RARRES1: variants seen among roughly 807,000 people sequenced by gnomAD.
RARRES1 encodes retinoic acid receptor responder 1.
RARRES1 carries 34 observed loss-of-function variants against 30.6 expected under a neutral mutation model. The ratio of observed to expected loss-of-function variants is 1.11; its 90% CI spans 0.84 to 1.48. The LOEUF (loss-of-function observed/expected upper bound fraction) is 1.48, where lower values mean the gene tolerates loss of function less well. Among genes scored for constraint, RARRES1 ranks in the 40% most tolerant of loss-of-function variants. The pLI is 0.00. For synonymous variants in RARRES1, 153 were observed against 155.5 expected (o/e 0.98, Z 0.12); for missense variants, 373 against 386.5 (o/e 0.97, Z 0.29).
chr3:158,703,192 T>C (rs1052295567), intron 4 of RARRES1, among the ~76,000 whole-genome samples: 1 of 152,202 alleles, frequency 6.6e-6, no homozygotes, highest in African/African-American at 2.4e-5. Context: ...TTCCACAAGC[T>C]CCTACTTTGA....
At chr3:158,730,326 A>C (rs1382186369) in intron 1 of RARRES1, among the ~76,000 whole-genome samples, 8 of 151,174 alleles carry the variant, frequency 5.3e-5, no homozygotes, top group Non-Finnish European at 1.0e-4. Flanking sequence ...TCTCAAAAAA[A>C]AAAAAAAAAA....
At chr3:158,731,908 G>A (rs914927431) in intron 1 of RARRES1, among the ~76,000 whole-genome samples, 42 of 152,226 alleles carry the variant, frequency 2.8e-4, no homozygotes, top group Non-Finnish European at 1.5e-5. Context: ...CATAAATGCT[G>A]GAAGGAACGA....
At chr3:158,721,467 G>T (rs1406871796) in intron 1 of RARRES1, among the ~76,000 whole-genome samples, 1 of 152,204 alleles carries the variant, frequency 6.6e-6, no homozygotes, top group Non-Finnish European at 1.5e-5. Context: ...ACCACACTTG[G>T]AGAACTCTCT....
At chr3:158,711,072 G>C in intron 2 of RARRES1, 139 bp from the exon 3 acceptor site, 1 of 714,572 alleles carries the variant, frequency 1.4e-6, no homozygotes, top group East Asian at 2.6e-5. Flanking sequence ...GTTTATTGTG[G>C]GTTGTGCTCA....
In RARRES1 at chr3:158,704,797, C is replaced by T; in HGVS notation, c.666G>A (p.Arg222=). 6.2e-7 allele frequency: 1 copy of T among 1,612,570 alleles called. No homozygotes were observed. Among genetic ancestry groups the T allele is most frequent in the Non-Finnish European group, 8.5e-7 (1 of 1,179,480 alleles). Residue 222 remains arginine (R), a synonymous_variant, in exon 4 of 6, where the codon AGG becomes AGA. Coordinates refer to ENST00000237696, the MANE Select transcript of RARRES1 (RefSeq NM_206963.2). ...ATTTTCAGGTTTTTCTTACCCACTG[C>T]CTCACACTAGTGAGCTGTGCCAAGT... ...HYYLAQLTSV[R]QWKTNDDTID...
Position 158,710,921 on chromosome 3 carries a change from C to T in RARRES1, c.352G>A (p.Glu118Lys). 6.2e-7 allele frequency: 1 copy of T among 1,613,852 alleles called. No homozygotes were observed. Among genetic ancestry groups the T allele is most frequent in the Non-Finnish European group, 8.5e-7 (1 of 1,179,872 alleles). ...ERYNPESLLQ[E>K]GEGRLGKCSA... Reference sequence around the variant, plus strand: ...CATTTCCCCAAACGTCCCTCACCTTCCTGAAGTAAAGACTGTGGAGTTAAA... The same window carrying T: ...CATTTCCCCAAACGTCCCTCACCTTTCTGAAGTAAAGACTGTGGAGTTAAA... Residue 118 changes from glutamate (E) to lysine (K), a missense_variant, in exon 3 of 6, where the codon GAA becomes AAA. Transcript: ENST00000237696.
intron 1 of RARRES1, among the ~76,000 whole-genome samples, chr3:158,717,898 C>T (rs1461777305): frequency 6.6e-6 from 1 of 152,148 alleles, no homozygotes; most frequent in Admixed American, 6.5e-5. Context: ...AACCACCAAA[C>T]CCCAAGTCCT....
At chr3:158,716,551 T>G (rs902278462) in intron 1 of RARRES1, among the ~76,000 whole-genome samples, 6 of 151,948 alleles carry the variant, frequency 3.9e-5, no homozygotes, top group Admixed American at 2.0e-4. Context: ...TTATTTTCTT[T>G]GCTGATTTGA....
At chr3:158,728,264 C>G (rs1449571970) in intron 1 of RARRES1, among the ~76,000 whole-genome samples, 7 of 151,484 alleles carry the variant, frequency 4.6e-5, no homozygotes, top group Non-Finnish European at 1.0e-4. Context: ...CCCTAGTGAG[C>G]CCTTAGTTTG....
At chr3:158,732,030 T>G (rs917164608) in intron 1 of RARRES1, 110 bp downstream of exon 1, 5 of 1,109,256 alleles carry the variant, frequency 4.5e-6, no homozygotes, top group Non-Finnish European at 5.8e-6. Flanking sequence ...CACTGCACCT[T>G]CCCTGGCGGA....
chr3:158,706,448 C>T (rs1298218485), intron 3 of RARRES1, among the ~76,000 whole-genome samples: 1 of 152,134 alleles, frequency 6.6e-6, no homozygotes, highest in East Asian at 1.9e-4. Flanking sequence ...GCAGGGGCAG[C>T]CTCAGTGACT....
intron 1 of RARRES1, among the ~76,000 whole-genome samples, chr3:158,720,233 G>GGT (rs781535998): frequency 0.3 from 42,381 of 139,180 alleles, 6,607 homozygotes; most frequent in Non-Finnish European, 0.37. Context: ...GCTGGCTGCT[G>GGT]GTGTGTGTGT....
chr3:158,721,511 T>G (rs9866134), intron 1 of RARRES1, among the ~76,000 whole-genome samples: 77,461 of 151,922 alleles, frequency 0.51, 19,812 homozygotes, highest in Middle Eastern at 0.6. Context: ...GGTCTAAGGG[T>G]TGCAGGTAGG....
At chr3:158,700,059 C>T (rs1726673856) in intron 4 of RARRES1, among the ~76,000 whole-genome samples, 1 of 152,022 alleles carries the variant, frequency 6.6e-6, no homozygotes, top group African/African-American at 2.4e-5. Flanking sequence ...TTAGGCTGGA[C>T]ATGGTGGCTC....
chr3:158,698,881 C>G, intron 4 of RARRES1, among the ~76,000 whole-genome samples: 1 of 152,134 alleles, frequency 6.6e-6, no homozygotes, highest in East Asian at 1.9e-4. Context: ...TTCTCTACTT[C>G]CTGCTTAGCT....
At chr3:158,705,829 T>C (rs1487397092) in intron 3 of RARRES1, 4 of 152,212 alleles carry the variant, frequency 2.6e-5, no homozygotes, top group East Asian at 3.8e-4. Context: ...TTCTGTGGCA[T>C]TGTTTTCGGA....
At chr3:158,710,663 TA>T in intron 3 of RARRES1, 74 bp downstream of exon 3, 1 of 1,398,444 alleles carries the variant, frequency 7.2e-7, no homozygotes, top group Non-Finnish European at 9.8e-7. Flanking sequence ...GATAAAAACT[TA>T]AATGATCTTT....
intron 1 of RARRES1, among the ~76,000 whole-genome samples, chr3:158,731,645 T>C (rs1302853620): frequency 2.6e-5 from 4 of 152,230 alleles, no homozygotes; most frequent in African/African-American, 4.8e-5. Context: ...CGTGGTGGAC[T>C]GCAATTAACA....
chr3:158,698,471 A>C (rs1328380490), intron 4 of RARRES1, among the ~76,000 whole-genome samples: 1 of 152,206 alleles, frequency 6.6e-6, no homozygotes, highest in Non-Finnish European at 1.5e-5. Context: ...CTAGGAAGGG[A>C]CAAATGGGAA....
Sources: gnomAD v4.1 joint callset for allele counts (sites outside exome capture counted in the v4.1 genomes callset) on GRCh38, gnomAD v4.1.1 for gene constraint, MANE v1.5 for transcripts, NCBI Gene and HGNC (gene_info 2026-07-23, HGNC 2026-07-21) for gene names.